Variants in WSB2 observed in about 807,000 individuals in gnomAD.
The protein encoded by WSB2 is WD repeat and SOCS box containing 2, also known as WD repeat and SOCS box-containing protein 2.
In WSB2, 12 loss-of-function variants were observed where a neutral mutation model predicts 48.8. That is an observed-to-expected ratio of 0.25 (90% CI 0.16 to 0.40). WSB2 has a LOEUF of 0.40. Among genes scored for constraint, WSB2 ranks in the 10% least tolerant of loss-of-function variants. The probability of loss-of-function intolerance (pLI) is 1.00; values close to 1 mark genes in which losing one functional copy is unlikely to be tolerated. For missense variants in WSB2, 317 were observed against 506.2 expected (o/e 0.63, Z 3.59); for synonymous variants, 191 against 203.1 (o/e 0.94, Z 0.51).
chr12:118,052,459 G>A lies in WSB2; in HGVS notation c.33C>T (p.Ala11=), dbSNP rs764853364. 50 of 1,613,922 alleles carry A rather than the reference G, an allele frequency of 3.1e-5. No homozygotes were observed. Among genetic ancestry groups the A allele is most frequent in the Middle Eastern group, 1.7e-4 (1 of 6,038 alleles). The part of the protein sequence containing the change: MEAGEEPLLL[A]ELKPGRPHQF... ...GGTGGGGGCGCCCGGGCTTGAGTTCGGCCAGCAGCAGCGGTTCCTCTGGGG... is the reference window on the plus strand; with the variant it reads ...GGTGGGGGCGCCCGGGCTTGAGTTCAGCCAGCAGCAGCGGTTCCTCTGGGG... The change falls in exon 2 of 9, where the codon GCC becomes GCT. Residue 11 remains alanine (A), a synonymous_variant. Coordinates refer to ENST00000315436, the MANE Select transcript of WSB2 (RefSeq NM_018639.5).
At chr12:118,045,109 G>C (rs1022125093) in intron 2 of WSB2, among the ~76,000 whole-genome samples, 1 of 152,154 alleles carries the variant, frequency 6.6e-6, no homozygotes, top group Non-Finnish European at 1.5e-5. Context: ...GGGTGCGGTG[G>C]CTCATGCTTG....
intron 2 of WSB2, among the ~76,000 whole-genome samples, chr12:118,049,810 C>A (rs760235160): frequency 2.0e-5 from 3 of 152,166 alleles, no homozygotes; most frequent in Non-Finnish European, 2.9e-5. Flanking sequence ...CCCATCTCAA[C>A]AAACTCCTGT....
chr12:118,062,149 C>A, upstream of WSB2: 1 of 1,535,506 alleles, frequency 6.5e-7, no homozygotes, highest in East Asian at 2.4e-5. Context: ...CCTGCTCTCC[C>A]TGTCTACCCG....
At chr12:118,039,639 G>A (rs1454130925) in intron 4 of WSB2, among the ~76,000 whole-genome samples, 1 of 152,018 alleles carries the variant, frequency 6.6e-6, no homozygotes, top group Non-Finnish European at 1.5e-5. Flanking sequence ...AGCCAAGCAA[G>A]AAAGAAGAAA....
At chr12:118,053,881 C>T (rs978441266) in intron 1 of WSB2, among the ~76,000 whole-genome samples, 2 of 152,032 alleles carry the variant, frequency 1.3e-5, no homozygotes, top group East Asian at 1.9e-4. Context: ...TTTTAAAACC[C>T]GTATTTCATA....
intron 1 of WSB2, among the ~76,000 whole-genome samples, chr12:118,058,127 A>G (rs2031996204): frequency 6.6e-6 from 1 of 152,142 alleles, no homozygotes; most frequent in Non-Finnish European, 1.5e-5. Flanking sequence ...AGCCTCTTCT[A>G]GGCAAAGCAG....
Position 118,043,219 on chromosome 12 carries a change from T to A in WSB2, c.341A>T (p.His114Leu), listed in dbSNP as rs1298926189. 6.2e-7 allele frequency: 1 copy of A among 1,614,200 alleles called. No individual in the cohort carries two copies. Among genetic ancestry groups the A allele is most frequent in the Admixed American group, 1.7e-5 (1 of 60,022 alleles). ...SPPSRKLWAR[H>L]HPQVPDVSCL... is the part of the protein sequence containing the mutation. ...AGAGACATCGGGCACTTGGGGGTGG[T>A]GGCGTGCCCAGAGCTTCCTGCTGGG... Residue 114 changes from histidine (H) to leucine (L), a missense_variant, in exon 3 of 9, where the codon CAC becomes CTC. Coordinates refer to ENST00000315436, the MANE Select transcript of WSB2 (RefSeq NM_018639.5).
At chr12:118,049,979 T>TAG (rs1178246790) in intron 2 of WSB2, among the ~76,000 whole-genome samples, 1 of 152,196 alleles carries the variant, frequency 6.6e-6, no homozygotes, top group Non-Finnish European at 1.5e-5. Context: ...AACTCAGTGT[T>TAG]ACGCAAAGAA....
At chr12:118,050,893 A>C (rs1434546540) in intron 2 of WSB2, among the ~76,000 whole-genome samples, 4 of 151,590 alleles carry the variant, frequency 2.6e-5, no homozygotes, top group Non-Finnish European at 5.9e-5. Flanking sequence ...CTCTACTAAA[A>C]ATACAAAAAT....
intron 2 of WSB2, among the ~76,000 whole-genome samples, chr12:118,050,592 C>T (rs2031832023): frequency 6.6e-6 from 1 of 151,880 alleles, no homozygotes; most frequent in African/African-American, 2.4e-5. Context: ...TGAGCCGTGA[C>T]TGAGCTACTG....
At position 118,061,175 on chromosome 12, in the gene WSB2, T is replaced by A; in HGVS notation, c.-127A>T. ...GCCGCCGCCCGGAGAGGCCATCAGC[T>A]GCTTCCCGTCACATGGCGGTGGGCG... On this transcript the variant is annotated 5_prime_UTR_variant, in exon 1 of 9. Coordinates refer to ENST00000315436, the MANE Select transcript of WSB2 (RefSeq NM_018639.5). 1.0e-6 allele frequency: 1 copy of A among 982,194 alleles called. No homozygotes were observed. The highest frequency in any genetic ancestry group is 1.2e-6 in the Non-Finnish European group (1 of 828,762). 60.8% of individuals were successfully genotyped at this position (982,194 alleles called of 1,614,324 possible). A position where few individuals can be genotyped will look rare whatever the true frequency, so the allele number is the denominator to read the frequency against.
Position 118,036,383 on chromosome 12 carries a change from A to G in WSB2, c.788T>C (p.Val263Ala). 2 of 1,614,150 alleles carry G rather than the reference A, an allele frequency of 1.2e-6. No homozygotes were observed. Among genetic ancestry groups the G allele is most frequent in the Non-Finnish European group, 1.7e-6 (2 of 1,180,028 alleles). ...LLVTASYDTN[V>A]IMWDPYTGER... is the part of the protein sequence containing the mutation. Reference sequence around the variant, plus strand: ...GCCGGTGTAGGGGTCCCACATAATCACATTGGTATCGTAAGAAGCCGTGAC... The same window carrying G: ...GCCGGTGTAGGGGTCCCACATAATCGCATTGGTATCGTAAGAAGCCGTGAC... The change falls in exon 6 of 9, where the codon GTG becomes GCG. Residue 263 changes from valine (V) to alanine (A), a missense_variant. This residue lies in a region of WSB2 where 189 missense variants were observed against 349.6 expected (regional missense o/e 0.54). Coordinates refer to ENST00000315436, the MANE Select transcript of WSB2 (RefSeq NM_018639.5).
At position 118,048,225 on chromosome 12, in the gene WSB2, G is replaced by A. The variant is rs1009596686; in HGVS notation, c.182+4085C>T. Among the ~76,000 whole-genome samples, 7 of 151,476 alleles carry A rather than the reference G, an allele frequency of 4.6e-5. No homozygotes were observed. In the East Asian group the frequency reaches 7.8e-4, roughly 17 times the overall value. ...ATTACAGGCGTGAGCCACCGCACCC[G>A]GCCATATAGCCTGTTTTTTTTCAAT... On this transcript the variant is annotated intron_variant, in intron 2 of 8. Coordinates refer to ENST00000315436, the MANE Select transcript of WSB2 (RefSeq NM_018639.5).
At chr12:118,054,427 T>C (rs60495286) in intron 1 of WSB2, among the ~76,000 whole-genome samples, 5,840 of 151,412 alleles carry the variant, frequency 0.039, 406 homozygotes, top group African/African-American at 0.14. Context: ...TCCCAGCACT[T>C]TGTGAGGCCA....
At chr12:118,045,824 G>A (rs953769259) in intron 2 of WSB2, among the ~76,000 whole-genome samples, 1 of 151,934 alleles carries the variant, frequency 6.6e-6, no homozygotes, top group Non-Finnish European at 1.5e-5. Context: ...CTGCTTAGCT[G>A]AAACTTTATA....
At chr12:118,054,774 G>A (rs1284713059) in intron 1 of WSB2, among the ~76,000 whole-genome samples, 7 of 150,720 alleles carry the variant, frequency 4.6e-5, no homozygotes, top group Non-Finnish European at 1.0e-4. Context: ...TATAAAATAG[G>A]TGTGTGTTCC....
At chr12:118,042,657 G>A (rs2031660745) in intron 4 of WSB2, 184 bp downstream of exon 4, 2 of 803,698 alleles carry the variant, frequency 2.5e-6, no homozygotes, top group East Asian at 2.7e-5. Flanking sequence ...ACTCTATTTG[G>A]TATAGTATTA....
chr12:118,034,527 G>A (rs2031454579), intron 8 of WSB2, 169 bp from the exon 9 acceptor site: 2 of 735,352 alleles, frequency 2.7e-6, no homozygotes, highest in East Asian at 2.8e-5. Flanking sequence ...AATAATTAAA[G>A]CTGCTGATAG....
chr12:118,046,360 G>A (rs763473827), intron 2 of WSB2, among the ~76,000 whole-genome samples: 10 of 151,790 alleles, frequency 6.6e-5, no homozygotes, highest in Non-Finnish European at 1.3e-4. Flanking sequence ...CTACTCGGGA[G>A]GCTGAAGCAG....
Sources: gnomAD v4.1 joint callset for allele counts (sites outside exome capture counted in the v4.1 genomes callset) on GRCh38, gnomAD v4.1.1 for gene constraint, gnomAD v4.1.1 regional missense constraint, MANE v1.5 for transcripts, NCBI Gene and HGNC (gene_info 2026-07-23, HGNC 2026-07-21) for gene names.